DNM1L: variants seen among roughly 807,000 people sequenced by gnomAD.
DNM1L encodes dynamin-1-like protein.
A neutral mutation model predicts 92.8 loss-of-function variants in DNM1L; 33 were observed. The observed-to-expected ratio is 0.36, with a 90% confidence interval of 0.27 to 0.48. DNM1L has a LOEUF of 0.48. DNM1L is among the 20% of genes least tolerant of loss of function. DNM1L has a pLI of 0.99. For synonymous variants in DNM1L, 284 were observed against 305.0 expected (o/e 0.93, Z 0.72); for missense variants, 485 against 888.8 (o/e 0.55, Z 5.78).
At chr12:32,726,929 C>T in intron 9 of DNM1L, 2 of 706,758 alleles carry the variant, frequency 2.8e-6, no homozygotes, top group Non-Finnish European at 5.1e-6. Flanking sequence ...AGACAAAACT[C>T]ATAGGCAGGC....
chr12:32,709,197 T>A (rs902518835), intron 4 of DNM1L, among the ~76,000 whole-genome samples: 2 of 152,190 alleles, frequency 1.3e-5, no homozygotes. Context: ...TGCCATACTT[T>A]CCTGAATTTC....
chr12:32,716,715 A>C (rs910724103), intron 6 of DNM1L, among the ~76,000 whole-genome samples: 1 of 144,692 alleles, frequency 6.9e-6, no homozygotes, highest in African/African-American at 2.6e-5. Context: ...TATATACTAT[A>C]TATAGAGTAT....
In DNM1L at chr12:32,745,630, T is replaced by A. The variant is rs940975463; in HGVS notation, c.*2220T>A. On this transcript the variant is annotated 3_prime_UTR_variant, in exon 20 of 20. Transcript: ENST00000549701. The stretch of plus-strand genomic sequence containing the variant: ...GGAGCTTTTTAATACCTAATCTACT[T>A]TGGAACATAACCGTATAGAGTACGA... 1.3e-5 allele frequency: 2 copies of A among 152,364 alleles called. No homozygotes were observed. The highest frequency in any genetic ancestry group is 2.9e-5 in the Non-Finnish European group (2 of 68,176). The allele number at this position is 152,364 out of a possible 1,614,324, so 9.4% of individuals were successfully genotyped here.
chr12:32,682,224 C>G (rs1348599974), intron 1 of DNM1L, among the ~76,000 whole-genome samples: 1 of 152,024 alleles, frequency 6.6e-6, no homozygotes, highest in Non-Finnish European at 1.5e-5. Flanking sequence ...CCTCTGCCTC[C>G]CGGCTTCAAG....
intron 9 of DNM1L, among the ~76,000 whole-genome samples, chr12:32,723,766 G>A (rs1460772247): frequency 1.4e-5 from 2 of 144,836 alleles, no homozygotes; most frequent in Non-Finnish European, 3.0e-5. Context: ...ATGAACTACG[G>A]CTACCAAAAC....
chr12:32,742,292 C>T (rs528434512), intron 18 of DNM1L, among the ~76,000 whole-genome samples: 15 of 152,152 alleles, frequency 9.9e-5, no homozygotes, highest in African/African-American at 3.1e-4. Context: ...TTAGTGCAGA[C>T]GGTGTTTCAC....
chr12:32,689,484 C>T (rs750872008), intron 1 of DNM1L, among the ~76,000 whole-genome samples: 3 of 152,224 alleles, frequency 2.0e-5, no homozygotes, highest in South Asian at 2.1e-4. Context: ...CCACTGGGCC[C>T]GGCGTAGTTT....
intron 1 of DNM1L, among the ~76,000 whole-genome samples, chr12:32,685,065 G>C (rs1161111026): frequency 2.6e-5 from 4 of 151,070 alleles, no homozygotes; most frequent in Non-Finnish European, 4.4e-5. Context: ...TCAGCCTCCC[G>C]AGTAGCTGGG....
At chr12:32,691,956 T>C (rs1260115966) in intron 1 of DNM1L, among the ~76,000 whole-genome samples, 3 of 151,080 alleles carry the variant, frequency 2.0e-5, no homozygotes, top group Admixed American at 2.0e-4. Context: ...TAAATTGAAA[T>C]AGGAGGGAGG....
Position 32,710,914 on chromosome 12 carries a change from A to T in DNM1L, c.370-15A>T, listed in dbSNP as rs1238939693. 2 of 1,576,134 alleles carry T rather than the reference A, an allele frequency of 1.3e-6. No individual in the cohort carries two copies. The highest frequency in any genetic ancestry group is 1.7e-5 in the Admixed American group (1 of 58,890). ...GTTCATTGAAATTTTAATATATTTT[A>T]AAATTTATTTTTAGGGAGTAAGCCC... On this transcript the variant is annotated splice_polypyrimidine_tract_variant and intron_variant, in intron 4 of 19. Transcript: ENST00000549701.
At chr12:32,702,700 G>C (rs1051812814) in intron 2 of DNM1L, among the ~76,000 whole-genome samples, 2 of 151,188 alleles carry the variant, frequency 1.3e-5, no homozygotes, top group African/African-American at 4.9e-5. Context: ...TTTTTTAATG[G>C]GGAAAAAAAA....
intron 1 of DNM1L, among the ~76,000 whole-genome samples, chr12:32,699,631 A>G (rs2137292008): frequency 6.6e-6 from 1 of 152,162 alleles, no homozygotes; most frequent in Admixed American, 6.5e-5. Context: ...CCCTGTCTCT[A>G]CTAAAAATAC....
intron 9 of DNM1L, among the ~76,000 whole-genome samples, chr12:32,729,956 A>G (rs1285565099): frequency 6.6e-6 from 1 of 152,230 alleles, no homozygotes; most frequent in African/African-American, 2.4e-5. Flanking sequence ...GGGAGGCATT[A>G]TAAAGGTATT....
At chr12:32,710,490 A>C (rs899615560) in intron 4 of DNM1L, among the ~76,000 whole-genome samples, 8 of 152,064 alleles carry the variant, frequency 5.3e-5, no homozygotes, top group Non-Finnish European at 1.2e-4. Context: ...ATGGTGGTGC[A>C]CACCTTGTAG....
intron 14 of DNM1L, 191 bp downstream of exon 14, chr12:32,737,352 A>C (rs1233340802): frequency 1.6e-5 from 9 of 568,904 alleles, no homozygotes; most frequent in Non-Finnish European, 2.1e-5. Context: ...TTTTGAATTC[A>C]CTGACATAAA....
At chr12:32,720,378 T>C (rs756177447) in intron 7 of DNM1L, among the ~76,000 whole-genome samples, 7 of 152,246 alleles carry the variant, frequency 4.6e-5, no homozygotes, top group Admixed American at 6.5e-5. Context: ...CTATAGTTAA[T>C]GGTAATAATG....
chr12:32,722,699 G>A, intron 9 of DNM1L, 66 bp downstream of exon 9: 1 of 1,200,406 alleles, frequency 8.3e-7, no homozygotes, highest in African/African-American at 1.5e-5. Flanking sequence ...CTTTTGTGAA[G>A]ATGACTTCAG....
intron 1 of DNM1L, 58 bp downstream of exon 1, chr12:32,679,523 G>T: frequency 6.5e-7 from 1 of 1,534,680 alleles, no homozygotes; most frequent in East Asian, 2.3e-5. Flanking sequence ...CCTGGTCGGT[G>T]CTGCGGCAGT....
intron 9 of DNM1L, chr12:32,727,498 G>A (rs1954226792): frequency 1.5e-5 from 8 of 549,020 alleles, no homozygotes; most frequent in Non-Finnish European, 2.6e-5. Flanking sequence ...AGCAGATGGC[G>A]CTAAAAAAAG....
Sources: allele counts gnomAD v4.1 joint callset (sites outside exome capture counted in the v4.1 genomes callset), GRCh38; gene constraint gnomAD v4.1.1; transcripts MANE v1.5; gene names NCBI Gene and HGNC (gene_info 2026-07-23, HGNC 2026-07-21).